Variants in CDKN1B observed in about 807,000 individuals in gnomAD.
CDKN1B encodes the protein cyclin dependent kinase inhibitor 1B, also known as cyclin-dependent kinase inhibitor 1B.
In CDKN1B, 7 loss-of-function variants were observed where a neutral mutation model predicts 17.1. That is an observed-to-expected ratio of 0.41 (90% confidence interval 0.23 to 0.77). The LOEUF (loss-of-function observed/expected upper bound fraction) is 0.77, where lower values mean the gene tolerates loss of function less well. CDKN1B is among the 30% of genes least tolerant of loss of function. The probability of loss-of-function intolerance (pLI) is 0.33; values close to 1 mark genes in which losing one functional copy is unlikely to be tolerated. For missense variants in CDKN1B, 337 were observed against 262.0 expected (o/e 1.29, Z -1.98); for synonymous variants, 149 against 104.3 (o/e 1.43, Z -2.61).
At chr12:12,719,267 C>A (rs950477418) in intron 2 of CDKN1B, 3 of 342,776 alleles carry the variant, frequency 8.8e-6, no homozygotes, top group Non-Finnish European at 1.7e-5. Context: ...TTTGCCCATC[C>A]GAACAAGAAC....
chr12:12,719,023 C>T, intron 2 of CDKN1B, 69 bp downstream of exon 2: 3 of 1,587,140 alleles, frequency 1.9e-6, no homozygotes, highest in East Asian at 4.5e-5. Flanking sequence ...CCTGATCTTA[C>T]TGGTTGCTGG....
Position 12,718,092 on chromosome 12 carries a change from C to T in CDKN1B, c.253C>T (p.Pro85Ser), listed in dbSNP as rs752181999. 1.7e-5 allele frequency: 27 copies of T among 1,614,110 alleles called. No homozygotes were observed. The highest frequency in any genetic ancestry group is 1.8e-5 in the Non-Finnish European group (21 of 1,180,052). The change falls in exon 1 of 3, where the codon CCC becomes TCC. Residue 85 changes from proline (P) to serine (S), a missense_variant. Transcript: ENST00000228872. ...EWQEVEKGSLPEFYYRPPRPP... is the reference protein window; with the variant it reads ...EWQEVEKGSLSEFYYRPPRPP... ...GCAAGAGGTGGAGAAGGGCAGCTTG[C>T]CCGAGTTCTACTACAGACCCCCGCG...
rs1946475862 is a variant in CDKN1B at position 12,717,446 on chromosome 12, C to T, written c.-394C>T. The T allele has an allele frequency of 2.3e-6, 3 of 1,282,012 alleles. No homozygotes were observed. The highest frequency in any genetic ancestry group is 3.0e-6 in the Non-Finnish European group (3 of 1,009,204). The allele number at this position is 1,282,012 out of a possible 1,614,324, so 79.4% of individuals were successfully genotyped here. A position where few individuals can be genotyped will look rare whatever the true frequency, so the allele number is the denominator to read the frequency against. ...CTCGTCTTTTCGGGGTGTTTTTCTC[C>T]CCCTCCCCTGTCCCCGCTTGCTCAC... On this transcript the variant is annotated 5_prime_UTR_variant, in exon 1 of 3. Transcript: ENST00000228872.
rs770629019 is a variant in CDKN1B at position 12,718,828 on chromosome 12, C to A, written c.479C>A (p.Ser160Tyr). ...GIRKRPATDD[S>Y]STQNKRANRT... ...TAAAAATTTCCCCTGCGCTTAGATT[C>A]TTCTACTCAAAACAAAAGAGCCAAC... The change falls in exon 2 of 3, where the codon TCT becomes TAT. Residue 160 changes from serine (S) to tyrosine (Y), a missense_variant. Transcript: ENST00000228872. The A allele has an allele frequency of 1.2e-6, 2 of 1,613,892 alleles. No homozygotes were observed. Among genetic ancestry groups the A allele is most frequent in the Non-Finnish European group, 1.7e-6 (2 of 1,179,992 alleles).
At position 12,717,982 on chromosome 12, in the gene CDKN1B, A is replaced by G. The variant is rs1555085517; in HGVS notation, c.143A>G (p.His48Arg). The change falls in exon 1 of 3, where the codon CAC becomes CGC. Residue 48 changes from histidine (H) to arginine (R), a missense_variant. Coordinates refer to ENST00000228872, the MANE Select transcript of CDKN1B (RefSeq NM_004064.5). ...HEELTRDLEKHCRDMEEASQR... is the reference protein window; with the variant it reads ...HEELTRDLEKRCRDMEEASQR... ...GAGTTAACCCGGGACTTGGAGAAGC[A>G]CTGCAGAGACATGGAAGAGGCGAGC... 2.5e-6 allele frequency: 4 copies of G among 1,614,062 alleles called. No individual in the cohort carries two copies. The highest frequency in any genetic ancestry group is 3.4e-6 in the Non-Finnish European group (4 of 1,180,042).
chr12:12,718,277 G>T lies in CDKN1B; in HGVS notation c.438G>T (p.Glu146Asp). Residue 146 changes from glutamate (E) to aspartate (D), a missense_variant, in exon 1 of 3, where the codon GAG becomes GAT. Glu to Asp is a conservative substitution (Grantham distance 45). Coordinates refer to ENST00000228872, the MANE Select transcript of CDKN1B (RefSeq NM_004064.5). ...DPSDSQTGLA[E>D]QCAGIRKRPA... is the part of the protein sequence containing the mutation. ...CGGACAGCCAGACGGGGTTAGCGGA[G>T]CAATGCGCAGGAATAAGGAAGCGAC... 1 of 1,606,660 alleles carries T rather than the reference G, an allele frequency of 6.2e-7. No individual in the cohort carries two copies. The highest frequency in any genetic ancestry group is 8.5e-7 in the Non-Finnish European group (1 of 1,179,734).
At chr12:12,718,410 T>G in intron 1 of CDKN1B, 96 bp downstream of exon 1, 1 of 1,152,100 alleles carries the variant, frequency 8.7e-7, no homozygotes, top group Non-Finnish European at 1.3e-6. Context: ...TATTCTGATT[T>G]AGCTTTGGGA....
intron 1 of CDKN1B, 127 bp from the exon 2 acceptor site, chr12:12,718,698 A>G: frequency 9.1e-7 from 1 of 1,100,570 alleles, no homozygotes; most frequent in South Asian, 1.3e-5. Context: ...ACTGGGGATG[A>G]CGGATCCAGG....
At position 12,718,958 on chromosome 12, in the gene CDKN1B, G is replaced by C; in HGVS notation, c.*8+4G>C. 6.2e-7 allele frequency: 1 copy of C among 1,613,660 alleles called. No individual in the cohort carries two copies. Among genetic ancestry groups the C allele is most frequent in the Non-Finnish European group, 8.5e-7 (1 of 1,180,012 alleles). On this transcript the variant is annotated splice_donor_region_variant and intron_variant, in intron 2 of 2. Coordinates refer to ENST00000228872, the MANE Select transcript of CDKN1B (RefSeq NM_004064.5). ...GACGTCAAACGTAAACAGCTCGGTGGGTTGATCACTAAAGGAGCACGCACT... is the reference window on the plus strand; with the variant it reads ...GACGTCAAACGTAAACAGCTCGGTGCGTTGATCACTAAAGGAGCACGCACT...
chr12:12,720,104 A>G (rs1946527382), intron 2 of CDKN1B, among the ~76,000 whole-genome samples: 1 of 152,216 alleles, frequency 6.6e-6, no homozygotes, highest in South Asian at 2.1e-4. Flanking sequence ...CGCTTATACA[A>G]AACGGCACTA....
chr12:12,718,462 C>T (rs1225512088), intron 1 of CDKN1B, 148 bp downstream of exon 1: 7 of 739,372 alleles, frequency 9.5e-6, no homozygotes, highest in Non-Finnish European at 1.4e-5. Flanking sequence ...GCTACCTGGC[C>T]CACTGCTTGT....
At position 12,721,178 on chromosome 12, in the gene CDKN1B, A is replaced by G; in HGVS notation, c.*151A>G. 1 of 773,168 alleles carries G rather than the reference A, an allele frequency of 1.3e-6. No homozygotes were observed. The highest frequency in any genetic ancestry group is 1.4e-5 in the South Asian group (1 of 72,550). 47.9% of individuals were successfully genotyped at this position (773,168 alleles called of 1,614,324 possible). ...AAGCACTGAAAAACAACAACACAATAACACTAAAATTTTAGGCACTCTTAA... is the reference window on the plus strand; with the variant it reads ...AAGCACTGAAAAACAACAACACAATGACACTAAAATTTTAGGCACTCTTAA... On this transcript the variant is annotated 3_prime_UTR_variant, in exon 3 of 3. Coordinates refer to ENST00000228872, the MANE Select transcript of CDKN1B (RefSeq NM_004064.5).
rs762810555 is a variant in CDKN1B, at chr12:12,718,841, C to A, written c.492C>A (p.Asn164Lys). The stretch of plus-strand genomic sequence containing the variant: ...TGCGCTTAGATTCTTCTACTCAAAA[C>A]AAAAGAGCCAACAGAACAGAAGAAA... ...RPATDDSSTQ[N>K]KRANRTEENV... Residue 164 changes from asparagine to lysine, a missense_variant, in exon 2 of 3, where the codon AAC becomes AAA. Transcript: ENST00000228872. The A allele has an allele frequency of 6.2e-6, 10 of 1,614,056 alleles. No homozygotes were observed. The highest frequency in any genetic ancestry group is 8.5e-6 in the Non-Finnish European group (10 of 1,179,998).
intron 1 of CDKN1B, 37 bp downstream of exon 1, chr12:12,718,351 G>A (rs1565419731): frequency 3.2e-6 from 5 of 1,549,562 alleles, no homozygotes; most frequent in Admixed American, 1.7e-5. Context: ...TGTGTTTGGG[G>A]CCCCGCTTTG....
At position 12,721,433 on chromosome 12, in the gene CDKN1B, T is replaced by G. The variant is rs2136359139; in HGVS notation, c.*406T>G. 5.4e-6 allele frequency: 2 copies of G among 370,070 alleles called. No individual in the cohort carries two copies. The highest frequency in any genetic ancestry group is 1.4e-3 in the Middle Eastern group (2 of 1,454). 22.9% of individuals were successfully genotyped at this position (370,070 alleles called of 1,614,324 possible). ...TGACTTGCATGAAGAGAAGCAATTT[T>G]GGGGAAGGGTTTGAATTGTTTTCTT... is the stretch of plus-strand genomic sequence containing the variant. On this transcript the variant is annotated 3_prime_UTR_variant, in exon 3 of 3. Transcript: ENST00000228872.
In CDKN1B at chr12:12,718,848, G is replaced by C; in HGVS notation, c.499G>C (p.Ala167Pro). Reference sequence around the variant, plus strand: ...AGATTCTTCTACTCAAAACAAAAGAGCCAACAGAACAGAAGAAAATGTTTC... The same window carrying C: ...AGATTCTTCTACTCAAAACAAAAGACCCAACAGAACAGAAGAAAATGTTTC... ...TDDSSTQNKR[A>P]NRTEENVSDG... Residue 167 changes from alanine to proline, a missense_variant, in exon 2 of 3, where the codon GCC becomes CCC. Physicochemically the swap from Ala to Pro is conservative, Grantham distance 27. Coordinates refer to ENST00000228872, the MANE Select transcript of CDKN1B (RefSeq NM_004064.5). The C allele has an allele frequency of 1.2e-6, 2 of 1,614,056 alleles. No individual in the cohort carries two copies. The highest frequency in any genetic ancestry group is 1.7e-6 in the Non-Finnish European group (2 of 1,179,998).
Position 12,717,890 on chromosome 12 carries a change from C to A in CDKN1B, c.51C>A (p.Asp17Glu), listed in dbSNP as rs552533838. The change falls in exon 1 of 3, where the codon GAC (aspartate) becomes GAA (glutamate). Residue 17 changes from aspartate to glutamate, a missense_variant. Transcript: ENST00000228872. ...SNGSPSLERM[D>E]ARQAEHPKPS... ...GGAGCCCTAGCCTGGAGCGGATGGACGCCAGGCAGGCGGAGCACCCCAAGC... is the reference window on the plus strand; with the variant it reads ...GGAGCCCTAGCCTGGAGCGGATGGAAGCCAGGCAGGCGGAGCACCCCAAGC... 4.3e-6 allele frequency: 7 copies of A among 1,613,882 alleles called. No individual in the cohort carries two copies. The highest frequency in any genetic ancestry group is 5.1e-6 in the Non-Finnish European group (6 of 1,180,042).
chr12:12,720,464 A>G (rs770422414), intron 2 of CDKN1B, among the ~76,000 whole-genome samples: 3 of 152,176 alleles, frequency 2.0e-5, no homozygotes, highest in Admixed American at 6.5e-5. Context: ...ATTCCCAATC[A>G]TTTTTCAAAT....
chr12:12,717,803 A>G lies in CDKN1B; in HGVS notation c.-37A>G. The stretch of plus-strand genomic sequence containing the variant: ...TTTTGTTCGGTTTTGTTTTTTTGAG[A>G]GTGCGAGAGAGGCGGTCGTGCAGAC... On this transcript the variant is annotated 5_prime_UTR_variant, in exon 1 of 3. Transcript: ENST00000228872. 1.2e-6 allele frequency: 2 copies of G among 1,609,452 alleles called. No homozygotes were observed. Among genetic ancestry groups the G allele is most frequent in the Non-Finnish European group, 1.7e-6 (2 of 1,179,772 alleles).
Sources: gnomAD v4.1 joint callset for allele counts (sites outside exome capture counted in the v4.1 genomes callset) on GRCh38, gnomAD v4.1.1 for gene constraint, MANE v1.5 for transcripts, NCBI Gene and HGNC (gene_info 2026-07-23, HGNC 2026-07-21) for gene names.